EXT1: variants seen among roughly 807,000 people sequenced by gnomAD.
EXT1 encodes exostosin glycosyltransferase 1.
Under a neutral mutation model 82.5 loss-of-function variants are expected in EXT1, and 20 were observed. The observed-to-expected ratio is 0.24, with a 90% confidence interval of 0.17 to 0.35. EXT1 has a LOEUF of 0.35. EXT1 is among the 10% of genes least tolerant of loss of function. The pLI is 1.00. For synonymous variants in EXT1, 348 were observed against 350.8 expected (o/e 0.99, Z 0.09); for missense variants, 757 against 936.5 (o/e 0.81, Z 2.50).
chr8:117,921,513 G>A (rs989594469), intron 1 of EXT1, among the ~76,000 whole-genome samples: 3 of 152,196 alleles, frequency 2.0e-5, no homozygotes, highest in Admixed American at 2.0e-4. Context: ...GGCAAAATGA[G>A]AATAATAACA....
At chr8:117,810,800 C>T (rs1243771857) in intron 8 of EXT1, among the ~76,000 whole-genome samples, 1 of 152,150 alleles carries the variant, frequency 6.6e-6, no homozygotes, top group Admixed American at 6.5e-5. Flanking sequence ...CTATGGACTG[C>T]ATCACCTGGT....
At chr8:117,886,646 A>G (rs1813151731) in intron 1 of EXT1, among the ~76,000 whole-genome samples, 1 of 152,218 alleles carries the variant, frequency 6.6e-6, no homozygotes, top group African/African-American at 2.4e-5. Flanking sequence ...TAAAAACTAG[A>G]TATTTACCCA....
At chr8:118,080,498 G>C (rs995385620) in intron 1 of EXT1, among the ~76,000 whole-genome samples, 1 of 151,980 alleles carries the variant, frequency 6.6e-6, no homozygotes, top group African/African-American at 2.4e-5. Flanking sequence ...AGTTCTGGTG[G>C]AGACTGAAAC....
At chr8:117,973,983 A>G (rs575458685) in intron 1 of EXT1, among the ~76,000 whole-genome samples, 1 of 151,038 alleles carries the variant, frequency 6.6e-6, no homozygotes, top group Non-Finnish European at 1.5e-5. Context: ...GGAAGGAAGG[A>G]AGGAAATAAA....
chr8:117,824,213 C>T (rs113320789), intron 4 of EXT1, among the ~76,000 whole-genome samples: 4,426 of 152,090 alleles, frequency 0.029, 239 homozygotes, highest in African/African-American at 0.099. Flanking sequence ...CATTATAAAT[C>T]GAACCTACAG....
At chr8:118,098,869 C>T (rs1486444894) in intron 1 of EXT1, among the ~76,000 whole-genome samples, 1 of 151,974 alleles carries the variant, frequency 6.6e-6, no homozygotes, top group Non-Finnish European at 1.5e-5. Flanking sequence ...ACCCAGAAAT[C>T]AGAGTTAGCA....
intron 1 of EXT1, among the ~76,000 whole-genome samples, chr8:117,952,753 T>C (rs1348549254): frequency 6.7e-6 from 1 of 149,536 alleles, no homozygotes; most frequent in Admixed American, 6.6e-5. Flanking sequence ...ACAGGGAGAC[T>C]GAAAAAAAAA....
At position 117,883,001 on chromosome 8, in the gene EXT1, G is replaced by GA. The variant is rs1209597303; in HGVS notation, c.963-45801dup. ...CAAAGAAAAAAAAAAAAAAAAGAAA[G>GA]AAAAAAAATGATACGGCATCATACT... On this transcript the variant is annotated intron_variant, in intron 1 of 10. Transcript: ENST00000378204. 2.1e-5 allele frequency among the ~76,000 whole-genome samples: 3 copies of GA among 145,934 alleles called. No individual in the cohort carries two copies. In the East Asian group the frequency reaches 6.0e-4, roughly 29 times the overall value.
At chr8:117,829,870 C>T (rs1454785808) in intron 4 of EXT1, among the ~76,000 whole-genome samples, 1 of 152,074 alleles carries the variant, frequency 6.6e-6, no homozygotes, top group Non-Finnish European at 1.5e-5. Flanking sequence ...TGTGCCAAGC[C>T]ATTAAATATT....
intron 5 of EXT1, among the ~76,000 whole-genome samples, chr8:117,821,722 C>G (rs527326742): frequency 2.4e-4 from 36 of 152,294 alleles, no homozygotes; most frequent in Admixed American, 1.9e-3. Flanking sequence ...GCTGTATCAG[C>G]TTGGAAGATG....
chr8:118,061,992 T>C (rs2129944297), intron 1 of EXT1, among the ~76,000 whole-genome samples: 1 of 152,176 alleles, frequency 6.6e-6, no homozygotes. Flanking sequence ...ACTATCTTGA[T>C]AAGGAAAGAA....
At chr8:117,944,624 C>G (rs1376109412) in intron 1 of EXT1, among the ~76,000 whole-genome samples, 1 of 152,128 alleles carries the variant, frequency 6.6e-6, no homozygotes, top group Non-Finnish European at 1.5e-5. Flanking sequence ...GACACATACA[C>G]AATAGGTTTT....
intron 1 of EXT1, among the ~76,000 whole-genome samples, chr8:117,944,980 G>A (rs1814358612): frequency 6.6e-6 from 1 of 152,078 alleles, no homozygotes; most frequent in Non-Finnish European, 1.5e-5. Context: ...GGCTAACACG[G>A]TGAAACCCCG....
chr8:117,948,323 A>AT (rs1169088092), intron 1 of EXT1, among the ~76,000 whole-genome samples: 2 of 149,248 alleles, frequency 1.3e-5, no homozygotes, highest in Admixed American at 6.7e-5. Flanking sequence ...CCCTTGCCAA[A>AT]AAAAAAAAAA....
In EXT1 at chr8:118,050,602, G is replaced by C. The variant is rs138412882; in HGVS notation, c.962+59483C>G. Among the ~76,000 whole-genome samples, 18 of 152,344 alleles carry C rather than the reference G, an allele frequency of 1.2e-4. 1 individual carries two copies. The highest frequency in any genetic ancestry group is 4.1e-4 in the African/African-American group (17 of 41,572). ...GTACTCAATTCTGCCATTGTAGCAG[G>C]AGAGTGGCCAGAGACAGGAAGTAAA... is the stretch of plus-strand genomic sequence containing the variant. On this transcript the variant is annotated intron_variant, in intron 1 of 10. Transcript: ENST00000378204.
In EXT1 at chr8:117,798,941, G is replaced by A. The variant is rs1823123472; in HGVS notation, c.*771C>T. Reference sequence around the variant, plus strand: ...ATTTCCATCTCACTAACATGCTGGTGGGTTATCTGGATAGTTCTTTGTGCA... The same window carrying A: ...ATTTCCATCTCACTAACATGCTGGTAGGTTATCTGGATAGTTCTTTGTGCA... On this transcript the variant is annotated 3_prime_UTR_variant, in exon 11 of 11. Coordinates refer to ENST00000378204, the MANE Select transcript of EXT1 (RefSeq NM_000127.3). 1 of 152,100 alleles carries A rather than the reference G, an allele frequency of 6.6e-6. No homozygotes were observed. Among genetic ancestry groups the A allele is most frequent in the African/African-American group, 2.4e-5 (1 of 41,376 alleles). 9.4% of individuals were successfully genotyped at this position (152,100 alleles called of 1,614,324 possible).
chr8:117,819,823 T>C (rs746649759), intron 5 of EXT1, 29 bp from the exon 6 acceptor site: 2 of 1,596,592 alleles, frequency 1.3e-6, no homozygotes, highest in Non-Finnish European at 1.7e-6. Context: ...TAGAGCCTAA[T>C]GAAGCGCTGG....
Position 117,965,993 on chromosome 8 carries a change from T to TACACACACAC in EXT1, c.963-128802_963-128793dup, listed in dbSNP as rs35638588. Among the ~76,000 whole-genome samples, 509 of 150,590 alleles carry TACACACACAC rather than the reference T, an allele frequency of 3.4e-3. 4 individuals carry two copies. The highest frequency in any genetic ancestry group is 0.012 in the African/African-American group (480 of 41,112). On this transcript the variant is annotated intron_variant, in intron 1 of 10. Coordinates refer to ENST00000378204, the MANE Select transcript of EXT1 (RefSeq NM_000127.3). ...AAATAAATAAACACATACATGCATATACACACACACACACACACATATATA... is the reference window on the plus strand; with the variant it reads ...AAATAAATAAACACATACATGCATATACACACACACACACACACACACACACACATATATA...
intron 1 of EXT1, among the ~76,000 whole-genome samples, chr8:118,075,410 T>C (rs1046728124): frequency 1.3e-5 from 2 of 152,214 alleles, no homozygotes; most frequent in African/African-American, 4.8e-5. Flanking sequence ...AGGAGTGTCC[T>C]CTAAGGCACA....
Sources: allele counts gnomAD v4.1 joint callset (sites outside exome capture counted in the v4.1 genomes callset), GRCh38; gene constraint gnomAD v4.1.1; transcripts MANE v1.5; gene names NCBI Gene and HGNC (gene_info 2026-07-23, HGNC 2026-07-21).